ADARB2: variants seen among roughly 807,000 people sequenced by gnomAD.
ADARB2 encodes adenosine deaminase RNA specific B2 (inactive).
ADARB2 carries 25 observed loss-of-function variants against 62.2 expected under a neutral mutation model. The ratio of observed to expected loss-of-function variants is 0.40; its 90% CI spans 0.29 to 0.56. ADARB2 has a LOEUF of 0.56. Among genes scored for constraint, ADARB2 ranks in the 20% least tolerant of loss-of-function variants. The pLI, the probability that ADARB2 is intolerant of heterozygous loss-of-function variation, is 0.43. For synonymous variants in ADARB2, 572 were observed against 500.8 expected (o/e 1.14, Z -1.90); for missense variants, 1,071 against 1,077.4 (o/e 0.99, Z 0.08).
rs201553265 is a variant in ADARB2, at chr10:1,184,997, G to A, written c.1907C>T (p.Pro636Leu). ...GCCCACGACCCAGTTCATGCTGAAG[G>A]GGGGCGACTTCCCCGGCTGGCGCGC... ...AEARQPGKSP[P>L]FSMNWVVGSA... Residue 636 changes from proline (P) to leucine (L), a missense_variant, in exon 9 of 10, where the codon CCC becomes CTC. Coordinates refer to ENST00000381312, the MANE Select transcript of ADARB2 (RefSeq NM_018702.4). 4.3e-6 allele frequency: 7 copies of A among 1,613,568 alleles called. No individual in the cohort carries two copies. In the Admixed American group the frequency reaches 1.0e-4, roughly 23 times the overall value.
Position 1,673,106 on chromosome 10 carries a change from C to T in ADARB2, c.100+63945G>A, listed in dbSNP as rs76963624. Among the ~76,000 whole-genome samples, 844 of 152,238 alleles carry T rather than the reference C, an allele frequency of 5.5e-3. 8 individuals carry two copies. Among genetic ancestry groups the T allele is most frequent in the African/African-American group, 0.02 (817 of 41,542 alleles). On this transcript the variant is annotated intron_variant, in intron 1 of 9. Coordinates refer to ENST00000381312, the MANE Select transcript of ADARB2 (RefSeq NM_018702.4). ...CACCTCATTCCTTTTGGTGTAGCCT[C>T]TCCCAGGGCCAGTAATACTGACCTG...
intron 1 of ADARB2, among the ~76,000 whole-genome samples, chr10:1,418,123 C>T (rs1358073038): frequency 6.6e-6 from 1 of 152,282 alleles, no homozygotes; most frequent in East Asian, 1.9e-4. Context: ...GGTGGAGGGA[C>T]GTTTCCGTAA....
At chr10:1,494,970 G>A (rs572419648) in intron 1 of ADARB2, among the ~76,000 whole-genome samples, 127 of 152,178 alleles carry the variant, frequency 8.3e-4, no homozygotes, top group African/African-American at 2.8e-3. Context: ...ATTTTTCTAG[G>A]TTTTCTCTTT....
chr10:1,706,576 C>T (rs1834892406), intron 1 of ADARB2, among the ~76,000 whole-genome samples: 1 of 152,176 alleles, frequency 6.6e-6, no homozygotes, highest in Admixed American at 6.5e-5. Flanking sequence ...CTTTTGATTC[C>T]TCCAAGTATT....
intron 4 of ADARB2, among the ~76,000 whole-genome samples, chr10:1,269,257 C>A (rs894410222): frequency 2.6e-5 from 4 of 152,146 alleles, no homozygotes; most frequent in Admixed American, 1.3e-4. Context: ...ACCAGCAACC[C>A]TGTGTGTATG....
chr10:1,721,060 C>T (rs1023187949), intron 1 of ADARB2, among the ~76,000 whole-genome samples: 1 of 152,158 alleles, frequency 6.6e-6, no homozygotes, highest in African/African-American at 2.4e-5. Flanking sequence ...TAACTGAAAA[C>T]AAGGCCAGCA....
chr10:1,375,687 GCTC>G (rs919549443), intron 2 of ADARB2, among the ~76,000 whole-genome samples: 117 of 152,330 alleles, frequency 7.7e-4, no homozygotes, highest in African/African-American at 2.6e-3. Flanking sequence ...GGTCATGTGT[GCTC>G]CTACCACCCA....
chr10:1,190,189 G>A (rs895323511), intron 8 of ADARB2, among the ~76,000 whole-genome samples: 7 of 151,564 alleles, frequency 4.6e-5, no homozygotes, highest in African/African-American at 9.8e-5. Flanking sequence ...GAGGAGAAAC[G>A]CGTCCTCCCA....
intron 1 of ADARB2, among the ~76,000 whole-genome samples, chr10:1,390,417 CAT>C (rs755011606): frequency 3.9e-5 from 6 of 152,202 alleles, no homozygotes; most frequent in Non-Finnish European, 7.3e-5. Flanking sequence ...TGGACTGTAA[CAT>C]GTGCGGTTTG....
chr10:1,202,757 C>T (rs113879473), intron 7 of ADARB2, among the ~76,000 whole-genome samples: 44 of 152,152 alleles, frequency 2.9e-4, no homozygotes, highest in Non-Finnish European at 4.1e-4. Context: ...GGTACATTTC[C>T]GCCATCTGTA....
intron 1 of ADARB2, among the ~76,000 whole-genome samples, chr10:1,674,505 A>G (rs1834435594): frequency 6.6e-6 from 1 of 152,232 alleles, no homozygotes; most frequent in South Asian, 2.1e-4. Flanking sequence ...TAAAAAGCGT[A>G]TACAGCCTAG....
intron 1 of ADARB2, among the ~76,000 whole-genome samples, chr10:1,527,697 C>G (rs1042233589): frequency 6.6e-6 from 1 of 152,004 alleles, no homozygotes; most frequent in African/African-American, 2.4e-5. Flanking sequence ...TTTGGTAAGA[C>G]GGGGGTCAGA....
intron 9 of ADARB2, among the ~76,000 whole-genome samples, chr10:1,183,910 T>C (rs1836714700): frequency 6.6e-6 from 1 of 152,118 alleles, no homozygotes; most frequent in African/African-American, 2.4e-5. Flanking sequence ...CAGCGGGTCT[T>C]CCAGGGAGGC....
intron 1 of ADARB2, among the ~76,000 whole-genome samples, chr10:1,639,260 G>T (rs966665699): frequency 6.6e-6 from 1 of 152,166 alleles, no homozygotes; most frequent in African/African-American, 2.4e-5. Context: ...GAGGTTGACC[G>T]CATCCAGGAG....
intron 1 of ADARB2, among the ~76,000 whole-genome samples, chr10:1,729,401 G>T (rs918139544): frequency 2.6e-5 from 4 of 152,136 alleles, no homozygotes; most frequent in African/African-American, 9.7e-5. Context: ...AAAGAATGTG[G>T]CTATTTTCAC....
chr10:1,584,139 G>T (rs143708705), intron 1 of ADARB2, among the ~76,000 whole-genome samples: 1 of 151,926 alleles, frequency 6.6e-6, no homozygotes, highest in Admixed American at 6.6e-5. Context: ...TCAATAAATG[G>T]GACTTAATTT....
At chr10:1,620,878 A>G (rs1363089154) in intron 1 of ADARB2, among the ~76,000 whole-genome samples, 1 of 152,216 alleles carries the variant, frequency 6.6e-6, no homozygotes, top group African/African-American at 2.4e-5. Context: ...ATCACAATAC[A>G]TGCAGAAAAA....
intron 1 of ADARB2, among the ~76,000 whole-genome samples, chr10:1,501,438 T>G (rs1301692779): frequency 1.3e-5 from 2 of 152,178 alleles, no homozygotes; most frequent in Non-Finnish European, 2.9e-5. Flanking sequence ...GTTTGGTAAA[T>G]TGCAGAGTAC....
chr10:1,247,542 A>C (rs1195736881), intron 4 of ADARB2, among the ~76,000 whole-genome samples: 1 of 152,074 alleles, frequency 6.6e-6, no homozygotes, highest in Non-Finnish European at 1.5e-5. Context: ...TGACCGATTT[A>C]ATTTGGGGGA....
Sources: allele counts gnomAD v4.1 joint callset (sites outside exome capture counted in the v4.1 genomes callset), GRCh38; gene constraint gnomAD v4.1.1; transcripts MANE v1.5; gene names NCBI Gene and HGNC (gene_info 2026-07-23, HGNC 2026-07-21).